MYH14: variants seen among roughly 807,000 people sequenced by gnomAD.
MYH14 encodes myosin-14.
A neutral mutation model predicts 255.5 loss-of-function variants in MYH14; 123 were observed. That is an observed-to-expected ratio of 0.48 (90% CI 0.42 to 0.56). The LOEUF (loss-of-function observed/expected upper bound fraction) is 0.56. Among genes scored for constraint, MYH14 ranks in the 20% least tolerant of loss-of-function variants. The probability of loss-of-function intolerance (pLI) is 0.00; values close to 1 mark genes in which losing one functional copy is unlikely to be tolerated. For synonymous variants in MYH14, 1,095 were observed against 1,161.2 expected (o/e 0.94, Z 1.16); for missense variants, 2,423 against 2,802.3 (o/e 0.86, Z 3.06).
intron 24 of MYH14, 119 bp from the exon 25 acceptor site, chr19:50,271,290 G>A (rs2035289705): frequency 9.9e-7 from 1 of 1,012,968 alleles, no homozygotes; most frequent in Non-Finnish European, 1.4e-6. Flanking sequence ...CCAGGGCATG[G>A]ACATCTCTGA....
chr19:50,230,675 GTC>G lies in MYH14; in HGVS notation c.973+57_973+58del. The G allele has an allele frequency of 1.3e-6, 2 of 1,482,444 alleles. No homozygotes were observed. Among genetic ancestry groups the G allele is most frequent in the Non-Finnish European group, 9.2e-7 (1 of 1,089,250 alleles). 91.8% of individuals were successfully genotyped at this position (1,482,444 alleles called of 1,614,324 possible). On this transcript the variant is annotated intron_variant, in intron 9 of 42. Transcript: ENST00000642316. The surrounding 1 kb of genome is among the most constrained non-coding windows in gnomAD (Gnocchi z 4.7). ...TCACCCGGGAGAGGGTGGGCACCAT[GTC>G]TCTCGGGGGCCCCTTCTGGGGAGGA... is the stretch of plus-strand genomic sequence containing the variant.
chr19:50,242,460 G>A (rs2033928447), intron 10 of MYH14, among the ~76,000 whole-genome samples: 1 of 152,026 alleles, frequency 6.6e-6, no homozygotes, highest in Non-Finnish European at 1.5e-5. Context: ...CAAGCAAAAG[G>A]GGTTTCCACT....
chr19:50,286,170 AC>A (rs2123436133), intron 33 of MYH14: 1 of 217,370 alleles, frequency 4.6e-6, no homozygotes, highest in Non-Finnish European at 9.1e-6. Context: ...TTAAAAAAAA[AC>A]AGTAAAGGTT....
intron 12 of MYH14, among the ~76,000 whole-genome samples, chr19:50,247,724 T>A (rs1178611101): frequency 6.6e-6 from 1 of 150,900 alleles, no homozygotes; most frequent in Non-Finnish European, 1.5e-5. Context: ...GAACCGCAAG[T>A]GTAAAGGCCC....
chr19:50,292,937 G>T (rs965815197), intron 37 of MYH14, among the ~76,000 whole-genome samples: 3 of 151,980 alleles, frequency 2.0e-5, no homozygotes, highest in Admixed American at 2.0e-4. Flanking sequence ...CTGGGGGTCT[G>T]GCCCGGTGAT....
At chr19:50,264,178 T>A (rs2034999247) in intron 22 of MYH14, among the ~76,000 whole-genome samples, 1 of 150,352 alleles carries the variant, frequency 6.7e-6, no homozygotes, top group South Asian at 2.1e-4. Context: ...GGACAACACT[T>A]AGCTGTTCCC....
In MYH14 at chr19:50,230,640, C is replaced by A; in HGVS notation, c.973+17C>A. 6.4e-7 allele frequency: 1 copy of A among 1,552,256 alleles called. No homozygotes were observed. On this transcript the variant is annotated intron_variant, in intron 9 of 42. Transcript: ENST00000642316. This position sits in a 1 kb window ranked among gnomAD's most constrained non-coding sequence, Gnocchi z 4.7. ...AGCTCAAAGGTCAGTGCCGCCCCGT[C>A]CTACCCTGCTCACCCGGGAGAGGGT...
chr19:50,239,771 G>C lies in MYH14; in HGVS notation c.1115-4471G>C, dbSNP rs1354767412. 3.3e-5 allele frequency among the ~76,000 whole-genome samples: 5 copies of C among 151,728 alleles called. No homozygotes were observed. In the East Asian group the frequency reaches 7.8e-4, roughly 24 times the overall value. ...TCACTGTGTTAGCCAGGATGGTCTC[G>C]ATCTCTTGACCTCGTGATCTGCCCG... On this transcript the variant is annotated intron_variant, in intron 10 of 42. Transcript: ENST00000642316.
rs964531584 is a variant in MYH14, at chr19:50,266,608, C to T, written c.2695-269C>T. On this transcript the variant is annotated intron_variant, in intron 22 of 42. Transcript: ENST00000642316. The surrounding 1 kb of genome is among the most constrained non-coding windows in gnomAD (Gnocchi z 4.1). ...AAGGAAGGAAGGAAGGACTGTTCCACAGAATAGCAGCAGCCACAGTACACA... is the reference window on the plus strand; with the variant it reads ...AAGGAAGGAAGGAAGGACTGTTCCATAGAATAGCAGCAGCCACAGTACACA... Among the ~76,000 whole-genome samples the T allele has an allele frequency of 1.2e-4, 18 of 152,136 alleles. No individual in the cohort carries two copies. The highest frequency in any genetic ancestry group is 3.4e-4 in the African/African-American group (14 of 41,428).
chr19:50,296,724 A>G (rs4802692), intron 39 of MYH14, among the ~76,000 whole-genome samples: 101,524 of 152,196 alleles, frequency 0.67, 36,188 homozygotes, highest in East Asian at 0.99. Context: ...GATACCCATT[A>G]GCAGGAAAGA....
chr19:50,207,831 C>T (rs962426179), intron 1 of MYH14, among the ~76,000 whole-genome samples: 1 of 152,206 alleles, frequency 6.6e-6, no homozygotes, highest in Non-Finnish European at 1.5e-5. Flanking sequence ...CCCTCTCTTA[C>T]ATCCCCTCCC....
chr19:50,266,649 G>T lies in MYH14; in HGVS notation c.2695-228G>T, dbSNP rs1261701986. On this transcript the variant is annotated intron_variant, in intron 22 of 42. Coordinates refer to ENST00000642316, the MANE Select transcript of MYH14 (RefSeq NM_001145809.2). The surrounding 1 kb of genome is among the most constrained non-coding windows in gnomAD (Gnocchi z 4.1). ...ACAGTACACAGTGTCTCTTGGATGT[G>T]GAAGGATCCTTTAGCCAGAGAGATT... is the stretch of plus-strand genomic sequence containing the variant. 6.6e-6 allele frequency among the ~76,000 whole-genome samples: 1 copy of T among 152,222 alleles called. No individual in the cohort carries two copies. The highest frequency in any genetic ancestry group is 1.5e-5 in the Non-Finnish European group (1 of 68,034).
At chr19:50,212,378 T>G (rs999230383) in intron 2 of MYH14, among the ~76,000 whole-genome samples, 4 of 152,172 alleles carry the variant, frequency 2.6e-5, no homozygotes, top group African/African-American at 9.7e-5. Flanking sequence ...TGAAAAATAA[T>G]AATAAGAGGA....
chr19:50,289,824 A>G (rs954747479), intron 35 of MYH14, among the ~76,000 whole-genome samples, 176 bp downstream of exon 35: 1 of 144,026 alleles, frequency 6.9e-6, no homozygotes, highest in Non-Finnish European at 1.5e-5. Context: ...CTCCCCACCC[A>G]CCTGCCACTC....
At chr19:50,295,556 A>C (rs2036239267) in intron 39 of MYH14, among the ~76,000 whole-genome samples, 1 of 152,064 alleles carries the variant, frequency 6.6e-6, no homozygotes, top group African/African-American at 2.4e-5. Flanking sequence ...GAATCCCAGC[A>C]CTTTTGGTGG....
At chr19:50,233,133 G>A (rs1275490290) in intron 10 of MYH14, among the ~76,000 whole-genome samples, 3 of 151,986 alleles carry the variant, frequency 2.0e-5, no homozygotes, top group Non-Finnish European at 4.4e-5. Context: ...TAAATGCTCA[G>A]CTCATCACCC....
rs527967427 is a variant in MYH14 at position 50,224,296 on chromosome 19, C to T, written c.717+119C>T. On this transcript the variant is annotated intron_variant, in intron 6 of 42. Transcript: ENST00000642316. ...GCAGTGGTCCCACCTGCCAGGGACCCCTCTGCCCCACCACTGCTATTCATG... is the reference window on the plus strand; with the variant it reads ...GCAGTGGTCCCACCTGCCAGGGACCTCTCTGCCCCACCACTGCTATTCATG... 2.2e-6 allele frequency: 3 copies of T among 1,333,700 alleles called. No homozygotes were observed. The African/African-American group carries it at 4.3e-5, about 19-fold the overall frequency. The allele number at this position is 1,333,700 out of a possible 1,614,324, so 82.6% of individuals were successfully genotyped here. A position where few individuals can be genotyped will look rare whatever the true frequency, so the allele number is the denominator to read the frequency against.
intron 39 of MYH14, among the ~76,000 whole-genome samples, chr19:50,299,224 A>G (rs1299158853): frequency 6.6e-6 from 1 of 152,244 alleles, no homozygotes; most frequent in Non-Finnish European, 1.5e-5. Flanking sequence ...AGAAAAATCC[A>G]GACAGAGAGG....
At position 50,260,661 on chromosome 19, in the gene MYH14, A is replaced by G; in HGVS notation, c.2370A>G (p.Thr790=). The change falls in exon 20 of 43, where the codon ACA becomes ACG. Residue 790 remains threonine, a synonymous_variant. Transcript: ENST00000642316. Reference sequence around the variant, plus strand: ...CTCATTGCAGATACGAGATCCTGACACCCAATGCCATCCCCAAGGGCTTCA... The same window carrying G: ...CTCATTGCAGATACGAGATCCTGACGCCCAATGCCATCCCCAAGGGCTTCA... ...QEFRQRYEIL[T]PNAIPKGFMD... is the part of the protein sequence containing the mutation. 3 of 1,612,800 alleles carry G rather than the reference A, an allele frequency of 1.9e-6. No individual in the cohort carries two copies. Among genetic ancestry groups the G allele is most frequent in the Non-Finnish European group, 1.7e-6 (2 of 1,179,514 alleles).
Sources: gnomAD v4.1 joint callset for allele counts (sites outside exome capture counted in the v4.1 genomes callset) on GRCh38, gnomAD v4.1.1 for gene constraint, Gnocchi (gnomAD v3.1) non-coding constraint, MANE v1.5 for transcripts, NCBI Gene and HGNC (gene_info 2026-07-23, HGNC 2026-07-21) for gene names.